The following PRKD1 variants were observed in gnomAD, a reference collection of about 807,000 sequenced individuals.
PRKD1 encodes the protein serine/threonine-protein kinase D1.
In PRKD1, 63 loss-of-function variants were observed where a neutral mutation model predicts 95.9. That is an observed-to-expected ratio of 0.66 (90% confidence interval 0.54 to 0.81). PRKD1 has a LOEUF of 0.81. PRKD1 is among the 30% of genes least tolerant of loss of function. The probability of loss-of-function intolerance (pLI) is 0.00; values close to 1 mark genes in which losing one functional copy is unlikely to be tolerated. For missense variants in PRKD1, 1,048 were observed against 1,165.3 expected (o/e 0.90, Z 1.47); for synonymous variants, 425 against 423.1 (o/e 1.00, Z -0.05).
At chr14:29,697,419 A>G (rs1884588179) in intron 2 of PRKD1, among the ~76,000 whole-genome samples, 2 of 152,222 alleles carry the variant, frequency 1.3e-5, no homozygotes, top group African/African-American at 4.8e-5. Context: ...ACACAAGATT[A>G]AACATTTAAT....
intron 2 of PRKD1, among the ~76,000 whole-genome samples, chr14:29,709,289 T>C (rs1259480869): frequency 1.3e-5 from 2 of 152,208 alleles, no homozygotes; most frequent in Non-Finnish European, 2.9e-5. Flanking sequence ...ACAGTTTTTG[T>C]TGCATTAAGA....
At chr14:29,894,153 T>C (rs1327875830) in intron 1 of PRKD1, among the ~76,000 whole-genome samples, 1 of 151,830 alleles carries the variant, frequency 6.6e-6, no homozygotes, top group Non-Finnish European at 1.5e-5. Context: ...GTGAGCCAAG[T>C]GAAGTGGATG....
At chr14:29,883,194 T>C (rs913851901) in intron 1 of PRKD1, among the ~76,000 whole-genome samples, 12 of 152,114 alleles carry the variant, frequency 7.9e-5, no homozygotes, top group African/African-American at 2.7e-4. Flanking sequence ...GTATTCATTA[T>C]TGCAAGAACA....
At chr14:29,707,234 T>G (rs966821264) in intron 2 of PRKD1, among the ~76,000 whole-genome samples, 5 of 151,968 alleles carry the variant, frequency 3.3e-5, no homozygotes, top group African/African-American at 1.2e-4. Context: ...TAGAAGTTAC[T>G]AGGATTACAC....
intron 1 of PRKD1, among the ~76,000 whole-genome samples, chr14:29,857,595 T>C (rs1892554048): frequency 6.6e-6 from 1 of 152,170 alleles, no homozygotes; most frequent in African/African-American, 2.4e-5. Context: ...AAAATGCAAA[T>C]ACCTTCGTTC....
intron 1 of PRKD1, among the ~76,000 whole-genome samples, chr14:29,914,149 A>G (rs1041240641): frequency 6.6e-6 from 1 of 152,242 alleles, no homozygotes; most frequent in African/African-American, 2.4e-5. Flanking sequence ...ACACACTTAC[A>G]TCTACATTTT....
chr14:29,821,135 G>C (rs1044970732), intron 1 of PRKD1, among the ~76,000 whole-genome samples: 1 of 152,180 alleles, frequency 6.6e-6, no homozygotes, highest in African/African-American at 2.4e-5. Context: ...ATAGAAGTTA[G>C]GGTAAATATA....
At chr14:29,596,076 T>G (rs1468676077) in intron 16 of PRKD1, among the ~76,000 whole-genome samples, 1 of 152,200 alleles carries the variant, frequency 6.6e-6, no homozygotes, top group Non-Finnish European at 1.5e-5. Context: ...TTAAGATATA[T>G]CCATCCACCT....
chr14:29,783,731 A>G (rs1268594666), intron 1 of PRKD1, among the ~76,000 whole-genome samples: 1 of 152,020 alleles, frequency 6.6e-6, no homozygotes, highest in Non-Finnish European at 1.5e-5. Context: ...CATTTTCCTG[A>G]TGATTAGAGA....
chr14:29,886,736 A>G (rs1185771838), intron 1 of PRKD1, among the ~76,000 whole-genome samples: 1 of 152,216 alleles, frequency 6.6e-6, no homozygotes, highest in Non-Finnish European at 1.5e-5. Context: ...ACCCACTATA[A>G]ACATATACTG....
intron 4 of PRKD1, among the ~76,000 whole-genome samples, chr14:29,663,148 C>CATATATATATAT (rs61506580): frequency 0.061 from 8,067 of 131,266 alleles, 293 homozygotes; most frequent in South Asian, 0.11. Flanking sequence ...AATATTCTTC[C>CATATATATATAT]ATATATATAT....
chr14:29,662,002 G>C (rs1411450319), intron 4 of PRKD1, among the ~76,000 whole-genome samples: 1 of 151,852 alleles, frequency 6.6e-6, no homozygotes, highest in African/African-American at 2.4e-5. Context: ...ATAATTTAGT[G>C]GTTATTTAAT....
intron 1 of PRKD1, among the ~76,000 whole-genome samples, chr14:29,794,313 C>T (rs1004204185): frequency 2.0e-5 from 3 of 151,662 alleles, no homozygotes; most frequent in African/African-American, 7.3e-5. Flanking sequence ...TATGAATATA[C>T]ATGTAAATTC....
intron 1 of PRKD1, among the ~76,000 whole-genome samples, chr14:29,844,893 G>A (rs936738464): frequency 1.3e-5 from 2 of 152,062 alleles, no homozygotes; most frequent in African/African-American, 4.8e-5. Flanking sequence ...AAAGATGGAG[G>A]AAAAGAGAAA....
chr14:29,579,502 C>G (rs2138946396), intron 16 of PRKD1, among the ~76,000 whole-genome samples: 1 of 152,248 alleles, frequency 6.6e-6, no homozygotes, highest in South Asian at 2.1e-4. Flanking sequence ...TCATCTTTCC[C>G]TATCACCAAG....
intron 1 of PRKD1, among the ~76,000 whole-genome samples, chr14:29,831,449 G>GTTTT (rs71108500): frequency 7.8e-6 from 1 of 128,556 alleles, no homozygotes; most frequent in Non-Finnish European, 1.7e-5. Context: ...AGAATGTTTG[G>GTTTT]TTTTTTTTTT....
chr14:29,577,599 G>A (rs538725530), intron 17 of PRKD1, 143 bp from the exon 18 acceptor site: 20 of 795,416 alleles, frequency 2.5e-5, no homozygotes, highest in Non-Finnish European at 3.5e-5. Flanking sequence ...GCATCCTCAA[G>A]TGACAGTGTC....
intron 3 of PRKD1, among the ~76,000 whole-genome samples, chr14:29,665,477 T>C (rs988679129): frequency 1.3e-5 from 2 of 151,752 alleles, no homozygotes; most frequent in African/African-American, 2.4e-5. Flanking sequence ...TGAGAACATG[T>C]GGTATTTGGC....
intron 2 of PRKD1, among the ~76,000 whole-genome samples, chr14:29,684,199 G>A (rs1287229801): frequency 1.3e-5 from 2 of 150,008 alleles, no homozygotes; most frequent in East Asian, 3.9e-4. Flanking sequence ...CGCCCAGGCT[G>A]GAGTGAAGTG....
Sources: allele counts gnomAD v4.1 joint callset (sites outside exome capture counted in the v4.1 genomes callset), GRCh38; gene constraint gnomAD v4.1.1; transcripts MANE v1.5; gene names NCBI Gene and HGNC (gene_info 2026-07-23, HGNC 2026-07-21).